The following MTA3 variants were observed in gnomAD, a reference collection of about 807,000 sequenced individuals.
MTA3 encodes the protein metastasis-associated protein MTA3.
Under a neutral mutation model 83.5 loss-of-function variants are expected in MTA3, and 34 were observed. That is an observed-to-expected ratio of 0.41 (90% confidence interval 0.31 to 0.54). MTA3 has a LOEUF of 0.54. Among genes scored for constraint, MTA3 ranks in the 20% least tolerant of loss-of-function variants. MTA3 has a pLI of 0.33. For missense variants in MTA3, 761 were observed against 726.4 expected (o/e 1.05, Z -0.55); for synonymous variants, 303 against 252.7 (o/e 1.20, Z -1.89).
At chr2:42,690,154 A>G (rs1033076372) in intron 9 of MTA3, among the ~76,000 whole-genome samples, 5 of 152,290 alleles carry the variant, frequency 3.3e-5, no homozygotes, top group African/African-American at 9.6e-5. Context: ...GCAGCATAGC[A>G]TTACACTATC....
Position 42,623,969 on chromosome 2 carries a change from C to G in MTA3, c.317+14385C>G, listed in dbSNP as rs182272501. Among the ~76,000 whole-genome samples, 626 of 152,252 alleles carry G rather than the reference C, an allele frequency of 4.1e-3. 4 individuals carry two copies. Among genetic ancestry groups the G allele is most frequent in the African/African-American group, 0.014 (563 of 41,562 alleles). Reference sequence around the variant, plus strand: ...TTAGGTGTGATCCACCCACCTCGGCCTCCCAAAGTGCTGGGATTATAGGCT... The same window carrying G: ...TTAGGTGTGATCCACCCACCTCGGCGTCCCAAAGTGCTGGGATTATAGGCT... On this transcript the variant is annotated intron_variant, in intron 4 of 16. Transcript: ENST00000405094.
intron 12 of MTA3, among the ~76,000 whole-genome samples, chr2:42,707,325 C>T (rs1295924392): frequency 6.6e-6 from 1 of 151,882 alleles, no homozygotes; most frequent in Non-Finnish European, 1.5e-5. Flanking sequence ...CTCACTGTAA[C>T]CTCTGCCTCC....
chr2:42,695,255 G>A (rs6733945), intron 9 of MTA3, among the ~76,000 whole-genome samples: 95,809 of 152,008 alleles, frequency 0.63, 30,818 homozygotes, highest in South Asian at 0.79. Flanking sequence ...TTGGGGTACC[G>A]TTTGCTAAGG....
chr2:42,667,611 TAGAGAGAGAAAGAGAG>T (rs1355435039), intron 8 of MTA3, among the ~76,000 whole-genome samples: 14 of 120,500 alleles, frequency 1.2e-4, no homozygotes, highest in Non-Finnish European at 1.7e-4. Context: ...TGTGTGTGTA[TAGAGAGAGAAAGAGAG>T]AGAGAGAGAG....
At chr2:42,680,234 C>T (rs901828144) in intron 8 of MTA3, 1 of 152,354 alleles carries the variant, frequency 6.6e-6, no homozygotes, top group African/African-American at 2.4e-5. Context: ...CCAGCACCTT[C>T]GTTCAGCACC....
intron 2 of MTA3, among the ~76,000 whole-genome samples, chr2:42,522,065 T>G (rs994575118): frequency 2.6e-5 from 4 of 152,168 alleles, no homozygotes; most frequent in Non-Finnish European, 5.9e-5. Flanking sequence ...CACCTGAATC[T>G]TTCTAAGGCA....
chr2:42,708,060 G>A lies in MTA3; in HGVS notation c.1302+6G>A, dbSNP rs1666252760. On this transcript the variant is annotated splice_donor_region_variant and intron_variant, in intron 13 of 16. Coordinates refer to ENST00000405094, the MANE Select transcript of MTA3 (RefSeq NM_001330442.2). Reference sequence around the variant, plus strand: ...CTCCTAGCCCAACTACAGAGGTACAGTAGTCTTTTTAGTGTTGAAAAATGG... The same window carrying A: ...CTCCTAGCCCAACTACAGAGGTACAATAGTCTTTTTAGTGTTGAAAAATGG... The A allele has an allele frequency of 6.3e-7, 1 of 1,593,090 alleles. No individual in the cohort carries two copies.
At position 42,755,678 on chromosome 2, in the gene MTA3, C is replaced by T. The variant is rs561320428; in HGVS notation, c.*2279C>T. On this transcript the variant is annotated 3_prime_UTR_variant, in exon 17 of 17. Transcript: ENST00000405094. ...AGGCGCCTCTAGTCTGTGCCTTTGCCGTTGGAAGCATTTGGTGCTGAGAGG... is the reference window on the plus strand; with the variant it reads ...AGGCGCCTCTAGTCTGTGCCTTTGCTGTTGGAAGCATTTGGTGCTGAGAGG... The T allele has an allele frequency of 2.2e-5, 22 of 985,508 alleles. No individual in the cohort carries two copies. Among genetic ancestry groups the T allele is most frequent in the Admixed American group, 6.1e-5 (1 of 16,284 alleles). The allele number at this position is 985,508 out of a possible 1,614,324, so 61.0% of individuals were successfully genotyped here.
chr2:42,706,051 A>G (rs184357210), intron 12 of MTA3, among the ~76,000 whole-genome samples: 9 of 152,292 alleles, frequency 5.9e-5, no homozygotes, highest in Non-Finnish European at 1.3e-4. Flanking sequence ...GAAATTTTAT[A>G]TTTAGAATTC....
Position 42,720,951 on chromosome 2 carries a change from C to CAA in MTA3, c.1612+1899_1612+1900dup, listed in dbSNP as rs377702701. On this transcript the variant is annotated intron_variant, in intron 15 of 16. Transcript: ENST00000405094. ...CAAGTGACCAATTGAGACCCTGTCT[C>CAA]AAAAAAAAAAAAAAAAAAAAAAAGA... is the stretch of plus-strand genomic sequence containing the variant. Among the ~76,000 whole-genome samples, 399 of 69,124 alleles carry CAA rather than the reference C, an allele frequency of 5.8e-3. 3 individuals carry two copies. The highest frequency in any genetic ancestry group is 0.013 in the African/African-American group (242 of 18,612). 45.3% of individuals were successfully genotyped at this position (69,124 alleles called of 152,430 possible).
At chr2:42,602,961 G>T (rs1422271606) in intron 3 of MTA3, among the ~76,000 whole-genome samples, 1 of 152,152 alleles carries the variant, frequency 6.6e-6, no homozygotes, top group Non-Finnish European at 1.5e-5. Context: ...CATGCTTCCA[G>T]AGTATGCTGT....
intron 3 of MTA3, among the ~76,000 whole-genome samples, chr2:42,606,725 A>T (rs1409020610): frequency 6.6e-6 from 1 of 151,676 alleles, no homozygotes; most frequent in African/African-American, 2.4e-5. Flanking sequence ...AGGCCAAGGC[A>T]GGCGGCTGGG....
intron 3 of MTA3, among the ~76,000 whole-genome samples, chr2:42,596,329 G>C (rs890783016): frequency 6.6e-6 from 1 of 152,174 alleles, no homozygotes; most frequent in South Asian, 2.1e-4. Context: ...CTAGCCAGCT[G>C]TTACCCCTTG....
chr2:42,565,254 A>G (rs1428913964), upstream of MTA3, among the ~76,000 whole-genome samples: 1 of 151,760 alleles, frequency 6.6e-6, no homozygotes, highest in Non-Finnish European at 1.5e-5. Flanking sequence ...GGGCATAAAC[A>G]TGGCTCACAG....
chr2:42,494,269 G>T (rs1187756654), upstream of MTA3, among the ~76,000 whole-genome samples: 1 of 152,192 alleles, frequency 6.6e-6, no homozygotes, highest in Non-Finnish European at 1.5e-5. Context: ...GCCCAGCGCC[G>T]GGATGCCTGC....
chr2:42,658,169 TAA>T (rs1689344972), intron 7 of MTA3, among the ~76,000 whole-genome samples: 1 of 149,210 alleles, frequency 6.7e-6, no homozygotes, highest in African/African-American at 2.5e-5. Context: ...GTTAAAATTT[TAA>T]AGACTGACAG....
chr2:42,538,641 G>C lies in MTA3; in HGVS notation c.-140-31796G>C, dbSNP rs544362641. The stretch of plus-strand genomic sequence containing the variant: ...GAGACTCACTTGAACCTGGGAGATG[G>C]AGATTGCAGTGAGCCCAGATCGTGC... On this transcript the variant is annotated intron_variant, in intron 2 of 17. Transcript: ENST00000405592. 3.3e-5 allele frequency among the ~76,000 whole-genome samples: 5 copies of C among 149,292 alleles called. No individual in the cohort carries two copies. The South Asian group carries it at 1.1e-3, about 31-fold the overall frequency.
At chr2:42,646,567 C>T (rs1688207205) in intron 6 of MTA3, among the ~76,000 whole-genome samples, 1 of 152,140 alleles carries the variant, frequency 6.6e-6, no homozygotes, top group South Asian at 2.1e-4. Context: ...GAAGGGTTTA[C>T]GACTTCAGTG....
At chr2:42,672,743 G>A (rs1690939056) in intron 8 of MTA3, among the ~76,000 whole-genome samples, 1 of 151,352 alleles carries the variant, frequency 6.6e-6, no homozygotes, top group Non-Finnish European at 1.5e-5. Flanking sequence ...TTGAGTGGAT[G>A]CCAGCTAAGC....
Sources: gnomAD v4.1 joint callset for allele counts (sites outside exome capture counted in the v4.1 genomes callset) on GRCh38, gnomAD v4.1.1 for gene constraint, MANE v1.5 for transcripts, NCBI Gene and HGNC (gene_info 2026-07-23, HGNC 2026-07-21) for gene names.